The following COL13A1 variants were observed in gnomAD, a reference collection of about 807,000 sequenced individuals.
The protein encoded by COL13A1 is collagen alpha-1(XIII) chain.
A neutral mutation model predicts 130.9 loss-of-function variants in COL13A1; 89 were observed. That is an observed-to-expected ratio of 0.68 (90% CI 0.57 to 0.81). The LOEUF is 0.81. COL13A1 is among the 30% of genes least tolerant of loss of function. The pLI is 0.00. For missense variants in COL13A1, 879 were observed against 934.6 expected (o/e 0.94, Z 0.78); for synonymous variants, 402 against 341.6 (o/e 1.18, Z -1.95).
At chr10:69,941,564 G>C (rs540336427) in intron 35 of COL13A1, among the ~76,000 whole-genome samples, 1 of 152,198 alleles carries the variant, frequency 6.6e-6, no homozygotes, top group African/African-American at 2.4e-5. Context: ...TCCCAGCTCT[G>C]TGTCTTATGC....
At chr10:69,806,694 A>T (rs150279081) in intron 1 of COL13A1, among the ~76,000 whole-genome samples, 1 of 152,308 alleles carries the variant, frequency 6.6e-6, no homozygotes, top group African/African-American at 2.4e-5. Context: ...GTGAATGAGA[A>T]GGGAGTGGAA....
At chr10:69,844,130 G>T (rs537859759) in intron 2 of COL13A1, among the ~76,000 whole-genome samples, 1 of 152,332 alleles carries the variant, frequency 6.6e-6, no homozygotes, top group African/African-American at 2.4e-5. Flanking sequence ...CTTGAAGGAG[G>T]TGTAGGATTT....
At chr10:69,821,354 G>T (rs570542975) in intron 1 of COL13A1, among the ~76,000 whole-genome samples, 22 of 152,316 alleles carry the variant, frequency 1.4e-4, no homozygotes, top group Admixed American at 1.4e-3. Flanking sequence ...CACAGTGTGG[G>T]TTTGAATCCC....
intron 10 of COL13A1, 69 bp from the exon 11 acceptor site, chr10:69,894,482 AC>A: frequency 2.5e-6 from 4 of 1,591,478 alleles, no homozygotes; most frequent in Non-Finnish European, 3.4e-6. Context: ...CCCAATCCCC[AC>A]CCAGGCAGGT....
At chr10:69,918,161 G>C in intron 18 of COL13A1, 124 bp from the exon 19 acceptor site, 1 of 764,098 alleles carries the variant, frequency 1.3e-6, no homozygotes, top group East Asian at 2.9e-5. Flanking sequence ...GTGGTTGCGG[G>C]GTTGGGAGGA....
intron 17 of COL13A1, among the ~76,000 whole-genome samples, chr10:69,914,218 G>A (rs934851248): frequency 2.6e-5 from 4 of 152,164 alleles, no homozygotes; most frequent in Middle Eastern, 3.2e-3. Flanking sequence ...GAGGAAGGGA[G>A]AGCAGGGACC....
intron 2 of COL13A1, among the ~76,000 whole-genome samples, chr10:69,862,074 C>T (rs560253031): frequency 2.0e-5 from 3 of 152,222 alleles, no homozygotes; most frequent in South Asian, 2.1e-4. Flanking sequence ...AGTCACTGGG[C>T]GCCAAGTTAG....
At chr10:69,832,968 AC>A (rs1019614617) in intron 2 of COL13A1, among the ~76,000 whole-genome samples, 1 of 152,120 alleles carries the variant, frequency 6.6e-6, no homozygotes, top group Admixed American at 6.5e-5. Context: ...TGTCCAAGGA[AC>A]TCTCCAGGGA....
At chr10:69,941,807 C>G (rs948918110) in intron 35 of COL13A1, among the ~76,000 whole-genome samples, 28 of 152,214 alleles carry the variant, frequency 1.8e-4, no homozygotes, top group African/African-American at 6.0e-4. Context: ...CGGTCCCTCC[C>G]GTGAGCGCCC....
intron 2 of COL13A1, among the ~76,000 whole-genome samples, chr10:69,867,588 T>C (rs1204132350): frequency 1.7e-4 from 26 of 152,194 alleles, no homozygotes; most frequent in Non-Finnish European, 1.5e-5. Flanking sequence ...GGCCTAGACC[T>C]CTGGATTTCT....
chr10:69,930,266 C>A, intron 29 of COL13A1, 134 bp from the exon 30 acceptor site: 1 of 1,066,116 alleles, frequency 9.4e-7, no homozygotes, highest in Non-Finnish European at 1.3e-6. Context: ...GCCAGGCAGA[C>A]CCAGGCTGGG....
rs554916454 is a variant in COL13A1, at chr10:69,896,099, C to A, written c.684+523C>A. 6.0e-3 allele frequency among the ~76,000 whole-genome samples: 915 copies of A among 152,244 alleles called. 3 individuals carry two copies. Among genetic ancestry groups the A allele is most frequent in the Middle Eastern group, 0.02 (6 of 294 alleles). On this transcript the variant is annotated intron_variant, in intron 13 of 40. Coordinates refer to ENST00000645393, the MANE Select transcript of COL13A1 (RefSeq NM_001368882.1). ...CCAAACCTCGATGATGGGAGATAATCGGGGACTGACTGCAGCAATTCAAGG... is the reference window on the plus strand; with the variant it reads ...CCAAACCTCGATGATGGGAGATAATAGGGGACTGACTGCAGCAATTCAAGG...
rs565008237 is a variant in COL13A1 at position 69,928,373 on chromosome 10, C to A, written c.1423-564C>A. Among the ~76,000 whole-genome samples the A allele has an allele frequency of 2.6e-5, 4 of 152,314 alleles. No individual in the cohort carries two copies. In the East Asian group the frequency reaches 7.7e-4, roughly 29 times the overall value. ...TTGGGAGACACTCCCAGCCCCAGGCCACCACTGCTCTGCGTCACTTCTGTC... is the reference window on the plus strand; with the variant it reads ...TTGGGAGACACTCCCAGCCCCAGGCAACCACTGCTCTGCGTCACTTCTGTC... On this transcript the variant is annotated intron_variant, in intron 27 of 40. Coordinates refer to ENST00000645393, the MANE Select transcript of COL13A1 (RefSeq NM_001368882.1).
chr10:69,808,830 C>A (rs377612401), intron 1 of COL13A1, among the ~76,000 whole-genome samples: 1 of 152,208 alleles, frequency 6.6e-6, no homozygotes, highest in Non-Finnish European at 1.5e-5. Flanking sequence ...CAGCTCTCCT[C>A]GCAGCGTCCC....
intron 1 of COL13A1, among the ~76,000 whole-genome samples, chr10:69,820,742 C>T (rs1045137855): frequency 6.6e-6 from 1 of 152,118 alleles, no homozygotes; most frequent in African/African-American, 2.4e-5. Context: ...CCCCCTTCTG[C>T]CCTCAGAGCC....
At chr10:69,889,360 G>A in intron 9 of COL13A1, 54 bp from the exon 10 acceptor site, 1 of 1,586,092 alleles carries the variant, frequency 6.3e-7, no homozygotes, top group South Asian at 1.2e-5. Flanking sequence ...GACAGAGGGT[G>A]GAACTTCTGG....
intron 1 of COL13A1, among the ~76,000 whole-genome samples, chr10:69,815,913 A>C (rs554288713): frequency 2.6e-4 from 39 of 152,076 alleles, no homozygotes; most frequent in African/African-American, 9.4e-4. Context: ...AGGAGGAAAT[A>C]AAACAAAGTG....
intron 18 of COL13A1, 81 bp downstream of exon 18, chr10:69,917,414 C>G: frequency 1.6e-6 from 2 of 1,264,506 alleles, no homozygotes; most frequent in Non-Finnish European, 2.2e-6. Flanking sequence ...GCTCTGGGGA[C>G]ACTCTGGAGT....
chr10:69,809,750 G>T (rs781275534), intron 1 of COL13A1, among the ~76,000 whole-genome samples: 1 of 152,260 alleles, frequency 6.6e-6, no homozygotes. Flanking sequence ...CGTCAGGGCC[G>T]TGCCACCATC....
Sources: allele counts gnomAD v4.1 joint callset (sites outside exome capture counted in the v4.1 genomes callset), GRCh38; gene constraint gnomAD v4.1.1; transcripts MANE v1.5; gene names NCBI Gene and HGNC (gene_info 2026-07-23, HGNC 2026-07-21).